The following SCAPER variants were observed in gnomAD, a reference collection of about 807,000 sequenced individuals.
SCAPER encodes the protein S phase cyclin A-associated protein in the endoplasmic reticulum.
Under a neutral mutation model 182.2 loss-of-function variants are expected in SCAPER, and 98 were observed. That is an observed-to-expected ratio of 0.54 (90% CI 0.46 to 0.64). SCAPER has a LOEUF of 0.64. Ranked by LOEUF, SCAPER falls within the 30% of genes least tolerant of loss-of-function variation. The pLI is 0.00. For missense variants in SCAPER, 1,432 were observed against 1,690.0 expected, an observed-to-expected ratio of 0.85 and a Z score of 2.68; for synonymous variants, 605 against 564.6, an observed-to-expected ratio of 1.07 and a Z score of -1.01.
At chr15:76,632,359 T>A (rs1411854023) in intron 21 of SCAPER, among the ~76,000 whole-genome samples, 2 of 151,772 alleles carry the variant, frequency 1.3e-5, no homozygotes, top group African/African-American at 4.8e-5. Context: ...CCGGCTTTCT[T>A]TTTTTTTGTA....
At chr15:76,439,519 G>C (rs151311621) in intron 25 of SCAPER, among the ~76,000 whole-genome samples, 129 of 152,282 alleles carry the variant, frequency 8.5e-4, no homozygotes, top group Non-Finnish European at 1.6e-3. Flanking sequence ...TGCTCTTTTG[G>C]GACACCTTTA....
intron 30 of SCAPER, 31 bp from the exon 31 acceptor site, chr15:76,351,319 C>T (rs200768481): frequency 6.3e-7 from 1 of 1,586,000 alleles, no homozygotes. Flanking sequence ...GTTTTTCTAT[C>T]AATGCTATGA....
chr15:76,525,769 C>T (rs1417604567), intron 23 of SCAPER, among the ~76,000 whole-genome samples: 1 of 152,118 alleles, frequency 6.6e-6, no homozygotes, highest in Non-Finnish European at 1.5e-5. Flanking sequence ...TGGATGGGCA[C>T]CTGGGTTGAT....
chr15:76,450,564 T>C (rs931080535), intron 25 of SCAPER, among the ~76,000 whole-genome samples: 5 of 152,120 alleles, frequency 3.3e-5, no homozygotes, highest in East Asian at 3.8e-4. Context: ...TATACACATA[T>C]ATATTTTGAG....
chr15:76,819,401 G>T (rs930390056), intron 5 of SCAPER, among the ~76,000 whole-genome samples: 1 of 152,190 alleles, frequency 6.6e-6, no homozygotes, highest in African/African-American at 2.4e-5. Flanking sequence ...CCAGAGGAAC[G>T]ATCAGGCAGC....
Position 76,354,006 on chromosome 15 carries a change from CT to C in SCAPER, c.3989del (p.Gln1330ArgfsTer10). The C allele has an allele frequency of 6.2e-7, 1 of 1,605,356 alleles. No individual in the cohort carries two copies. The highest frequency in any genetic ancestry group is 8.5e-7 in the Non-Finnish European group (1 of 1,177,436). ...SLIAACYNNH[Q>X]NKIILEQEMS... is the part of the protein sequence containing the mutation. ...TCTCTTGCTCCAGAATGATCTTGTT[CT>C]GATGGTTGTTGTAACAAGCAGCGAT... On this transcript the variant is annotated frameshift_variant, in exon 30 of 32. Coordinates refer to ENST00000563290, the MANE Select transcript of SCAPER (RefSeq NM_020843.4). LOFTEE classifies it high-confidence loss of function. This position sits in a 1 kb window ranked among gnomAD's most constrained non-coding sequence, Gnocchi z 4.4.
chr15:76,381,318 A>T (rs1451360853), intron 28 of SCAPER, 60 bp downstream of exon 28: 2 of 1,401,734 alleles, frequency 1.4e-6, no homozygotes, highest in Non-Finnish European at 9.9e-7. Flanking sequence ...CTGACATCCT[A>T]TCTACACTAA....
intron 24 of SCAPER, among the ~76,000 whole-genome samples, chr15:76,475,204 T>C (rs1480006196): frequency 1.3e-5 from 2 of 152,206 alleles, no homozygotes; most frequent in African/African-American, 2.4e-5. Flanking sequence ...TTTGTACTTC[T>C]AGTCTTTTTC....
At chr15:76,783,096 G>GT (rs545021563) in intron 8 of SCAPER, among the ~76,000 whole-genome samples, 39 of 151,780 alleles carry the variant, frequency 2.6e-4, no homozygotes, top group Admixed American at 1.4e-3. Context: ...TCCAAGAGGT[G>GT]TTTTTTTTGA....
chr15:76,478,330 T>C (rs2050825937), intron 24 of SCAPER, among the ~76,000 whole-genome samples: 1 of 152,092 alleles, frequency 6.6e-6, no homozygotes, highest in Admixed American at 6.5e-5. Context: ...ATATTGTTAA[T>C]ATCTTTTTCC....
chr15:76,395,494 A>G (rs1409751421), intron 27 of SCAPER, among the ~76,000 whole-genome samples: 4 of 152,144 alleles, frequency 2.6e-5, no homozygotes, highest in Non-Finnish European at 4.4e-5. Flanking sequence ...TTTTCTCCAC[A>G]TCCTTGCCAG....
chr15:76,785,813 G>T (rs576164503), intron 8 of SCAPER, among the ~76,000 whole-genome samples: 19 of 152,116 alleles, frequency 1.2e-4, no homozygotes, highest in Non-Finnish European at 2.5e-4. Flanking sequence ...ACTCATAGGT[G>T]GGAACTGAAC....
intron 17 of SCAPER, among the ~76,000 whole-genome samples, chr15:76,710,404 G>C (rs1260153192): frequency 6.6e-6 from 1 of 152,016 alleles, no homozygotes; most frequent in Non-Finnish European, 1.5e-5. Context: ...ATAAGTTGAG[G>C]AACATCTGTA....
chr15:76,632,717 ATTCT>A (rs754566993), intron 21 of SCAPER, among the ~76,000 whole-genome samples: 2 of 142,988 alleles, frequency 1.4e-5, no homozygotes, highest in Non-Finnish European at 3.0e-5. Flanking sequence ...TTTTGCATTG[ATTCT>A]TTCTCATCTT....
chr15:76,513,349 AAC>A (rs2096219767), intron 23 of SCAPER, among the ~76,000 whole-genome samples: 2 of 152,224 alleles, frequency 1.3e-5, no homozygotes, highest in Admixed American at 1.3e-4. Flanking sequence ...TCCATTCCCT[AAC>A]AGTTTATACA....
At chr15:76,715,417 G>A (rs780690177) in intron 17 of SCAPER, among the ~76,000 whole-genome samples, 28 of 152,060 alleles carry the variant, frequency 1.8e-4, no homozygotes, top group Non-Finnish European at 1.2e-4. Flanking sequence ...CTGTGTTCTA[G>A]GCCAAAGAGA....
At chr15:76,747,720 C>T (rs543940392) in intron 15 of SCAPER, among the ~76,000 whole-genome samples, 3 of 152,050 alleles carry the variant, frequency 2.0e-5, no homozygotes, top group Non-Finnish European at 4.4e-5. Flanking sequence ...TCTCTTACTG[C>T]CTCCTCTTTC....
chr15:76,404,781 C>A, intron 26 of SCAPER, 102 bp from the exon 27 acceptor site: 1 of 1,083,652 alleles, frequency 9.2e-7, no homozygotes, highest in Non-Finnish European at 1.3e-6. Context: ...ACCCCTCAAA[C>A]ATGCAGACAC....
intron 27 of SCAPER, 116 bp from the exon 28 acceptor site, chr15:76,381,731 T>C (rs1469604428): frequency 1.7e-5 from 14 of 801,188 alleles, no homozygotes; most frequent in Non-Finnish European, 2.5e-5. Flanking sequence ...CTGAGTTGTA[T>C]AGTATGGTAA....
Sources: allele counts gnomAD v4.1 joint callset (sites outside exome capture counted in the v4.1 genomes callset), GRCh38; gene constraint gnomAD v4.1.1; non-coding constraint Gnocchi (gnomAD v3.1); transcripts MANE v1.5; gene names NCBI Gene and HGNC (gene_info 2026-07-23, HGNC 2026-07-21).